Variants in C1QTNF5 observed in about 807,000 individuals in gnomAD.
C1QTNF5 encodes complement C1q tumor necrosis factor-related protein 5.
A neutral mutation model predicts 10.9 loss-of-function variants in C1QTNF5; 5 were observed. The ratio of observed to expected loss-of-function variants is 0.46; its 90% CI spans 0.24 to 0.97. C1QTNF5 has a LOEUF of 0.97. Ranked by LOEUF, C1QTNF5 falls within the 50% of genes least tolerant of loss-of-function variation. The pLI, the probability that C1QTNF5 is intolerant of heterozygous loss-of-function variation, is 0.19. For missense variants in C1QTNF5, 281 were observed against 339.4 expected (o/e 0.83, Z 1.35); for synonymous variants, 161 against 156.5 (o/e 1.03, Z -0.22).
At chr11:119,343,117 G>A, upstream of C1QTNF5, 6 of 1,293,098 alleles carry the variant, frequency 4.6e-6, no homozygotes, top group Admixed American at 2.0e-5. Flanking sequence ...CAAAGGTGAT[G>A]GAAGACACAG....
At chr11:119,344,070 T>C (rs1591304413), upstream of C1QTNF5, 4 of 1,439,686 alleles carry the variant, frequency 2.8e-6, no homozygotes, top group South Asian at 1.2e-5. Flanking sequence ...GATGGGGTGG[T>C]GCTTTCATCA....
chr11:119,345,357 G>A (rs1488239849), upstream of C1QTNF5: 3 of 1,537,842 alleles, frequency 2.0e-6, no homozygotes, highest in African/African-American at 1.4e-5. Context: ...GCCACTCCCT[G>A]ATTCTGCTCT....
upstream of C1QTNF5, chr11:119,345,398 T>C (rs1215349895): frequency 4.3e-6 from 7 of 1,611,216 alleles, no homozygotes; most frequent in Admixed American, 1.7e-5. Context: ...CGGTGGGATG[T>C]CCTGGGGACA....
chr11:119,346,595 C>G, the C1QTNF5 span: 2 of 1,432,328 alleles, frequency 1.4e-6, no homozygotes, highest in African/African-American at 1.4e-5. Flanking sequence ...CACAAACTCC[C>G]TGTCAGAGGG....
chr11:119,345,087 A>G (rs1273283200), upstream of C1QTNF5: 47 of 1,528,556 alleles, frequency 3.1e-5, no homozygotes, highest in East Asian at 1.1e-3. Flanking sequence ...TTGCAGTCCT[A>G]TTTTCTCAAC....
chr11:119,346,622 G>A, the C1QTNF5 span: 99 of 1,138,772 alleles, frequency 8.7e-5, no homozygotes, highest in Admixed American at 1.1e-3. Context: ...TCTACTACCC[G>A]AGGGAAAAGG....
chr11:119,342,567 C>T, upstream of C1QTNF5: 4 of 1,611,982 alleles, frequency 2.5e-6, no homozygotes, highest in East Asian at 2.2e-5. Context: ...ACCCAGCCTG[C>T]TCAGGGTCCC....
upstream of C1QTNF5, chr11:119,344,676 C>T (rs751784570): frequency 1.9e-6 from 3 of 1,613,974 alleles, no homozygotes; most frequent in East Asian, 2.2e-5. Context: ...GCCGTCAGCA[C>T]AGTTGGCAAA....
rs755272808 is a variant in C1QTNF5 at position 119,340,403 on chromosome 11, T to C, written c.-6A>G. 1.6e-5 allele frequency: 25 copies of C among 1,543,940 alleles called. 1 individual carries two copies. The South Asian group carries it at 2.7e-4, about 17-fold the overall frequency. On this transcript the variant is annotated 5_prime_UTR_variant, in exon 2 of 3. Coordinates refer to ENST00000528368, the MANE Select transcript of C1QTNF5 (RefSeq NM_001278431.2). ...AGGACGAGGAGTGGCCTCATAGCGC[T>C]GGCACCGGGAGCCCGGACGCCGGGG...
At chr11:119,345,298 G>T, upstream of C1QTNF5, 1 of 1,026,214 alleles carries the variant, frequency 9.7e-7, no homozygotes, top group Non-Finnish European at 1.5e-6. Context: ...GCAGAGCTGG[G>T]CCCAGAGGTC....
At chr11:119,345,679 C>G (rs771682623), upstream of C1QTNF5, 1 of 1,612,222 alleles carries the variant, frequency 6.2e-7, no homozygotes, top group South Asian at 1.1e-5. Flanking sequence ...GGAGTGAGGT[C>G]CTTTATTCTC....
In C1QTNF5 at chr11:119,338,970, C is replaced by T; in HGVS notation, c.*361G>A. 4.6e-6 allele frequency: 1 copy of T among 219,568 alleles called. No individual in the cohort carries two copies. The highest frequency in any genetic ancestry group is 1.3e-4 in the South Asian group (1 of 7,572). 13.6% of individuals were successfully genotyped at this position (219,568 alleles called of 1,614,324 possible). ...GGTTCTTAGGTTTATTGAGTGATCT[C>T]TGAGAAAAGGGCCGGCCCCAGGAGC... is the stretch of plus-strand genomic sequence containing the variant. On this transcript the variant is annotated 3_prime_UTR_variant, in exon 3 of 3. Transcript: ENST00000528368.
chr11:119,341,680 G>C (rs1255172003), upstream of C1QTNF5: 6 of 1,613,114 alleles, frequency 3.7e-6, no homozygotes, highest in Non-Finnish European at 5.1e-6. Flanking sequence ...AGCGGCAAGG[G>C]GGCAGAACAC....
At chr11:119,343,133 G>T, upstream of C1QTNF5, 1 of 1,179,780 alleles carries the variant, frequency 8.5e-7, no homozygotes, top group Non-Finnish European at 1.2e-6. Flanking sequence ...CACAGGGTTA[G>T]GGTCTGGCGA....
chr11:119,339,972 C>T lies in C1QTNF5; in HGVS notation c.215-124G>A, dbSNP rs1341285556. On this transcript the variant is annotated intron_variant, in intron 2 of 2. Coordinates refer to ENST00000528368, the MANE Select transcript of C1QTNF5 (RefSeq NM_001278431.2). This position sits in a 1 kb window ranked among gnomAD's most constrained non-coding sequence, Gnocchi z 5.4. ...GAGCTTCGGCCAGCGCCTCCTCCCG[C>T]ACGGGTACCTCCTCCACCCCTTCCC... 7.5e-7 allele frequency: 1 copy of T among 1,336,556 alleles called. No homozygotes were observed. The highest frequency in any genetic ancestry group is 1.5e-5 in the African/African-American group (1 of 64,904). 82.8% of individuals were successfully genotyped at this position (1,336,556 alleles called of 1,614,324 possible). A position where few individuals can be genotyped will look rare whatever the true frequency, so the allele number is the denominator to read the frequency against.
chr11:119,341,706 A>G (rs1352244040), upstream of C1QTNF5: 1 of 1,613,184 alleles, frequency 6.2e-7, no homozygotes, highest in Admixed American at 1.7e-5. Flanking sequence ...AGTGGGGTGC[A>G]ACGGGGCACA....
At chr11:119,342,562 G>T (rs1232037810), upstream of C1QTNF5, 43 of 1,611,170 alleles carry the variant, frequency 2.7e-5, no homozygotes, top group Non-Finnish European at 3.6e-5. Flanking sequence ...TGGGCACCCA[G>T]CCTGCTCAGG....
At chr11:119,345,746 C>G, upstream of C1QTNF5, 1 of 1,613,382 alleles carries the variant, frequency 6.2e-7, no homozygotes, top group African/African-American at 1.3e-5. Context: ...GGGCCCTTCT[C>G]CCGGAAGATC....
chr11:119,346,640 G>C, the C1QTNF5 span: 1 of 929,638 alleles, frequency 1.1e-6, no homozygotes, highest in Admixed American at 1.9e-5. Flanking sequence ...AGGCTGCCAG[G>C]CTAGACCAGT....
Sources: gnomAD v4.1 joint callset for allele counts on GRCh38, gnomAD v4.1.1 for gene constraint, Gnocchi (gnomAD v3.1) non-coding constraint, MANE v1.5 for transcripts, NCBI Gene and HGNC (gene_info 2026-07-23, HGNC 2026-07-21) for gene names.